Variants in ST6GALNAC3 observed in about 807,000 individuals in gnomAD.
ST6GALNAC3 encodes the protein ST6 N-acetylgalactosaminide alpha-2,6-sialyltransferase 3, also known as alpha-N-acetylgalactosaminide alpha-2,6-sialyltransferase 3.
Under a neutral mutation model 32.7 loss-of-function variants are expected in ST6GALNAC3, and 25 were observed. The ratio of observed to expected loss-of-function variants is 0.76; its 90% CI spans 0.56 to 1.07. The LOEUF (loss-of-function observed/expected upper bound fraction) is 1.07. ST6GALNAC3 is among the 50% of genes least tolerant of loss of function. The probability of loss-of-function intolerance (pLI) is 0.00; values close to 1 mark genes in which losing one functional copy is unlikely to be tolerated. For synonymous variants in ST6GALNAC3, 129 were observed against 133.1 expected (o/e 0.97, Z 0.21); for missense variants, 355 against 382.4 (o/e 0.93, Z 0.60).
chr1:76,355,562 C>T (rs1649369346), intron 2 of ST6GALNAC3, among the ~76,000 whole-genome samples: 1 of 152,134 alleles, frequency 6.6e-6, no homozygotes, highest in Non-Finnish European at 1.5e-5. Context: ...TAAAAAGTAG[C>T]ATCTGTAATG....
chr1:76,190,912 A>T (rs1374778152), intron 1 of ST6GALNAC3, among the ~76,000 whole-genome samples: 1 of 152,200 alleles, frequency 6.6e-6, no homozygotes, highest in Non-Finnish European at 1.5e-5. Flanking sequence ...TAGAGTATAG[A>T]AACTTATTTC....
chr1:76,148,530 C>T (rs1650838595), intron 1 of ST6GALNAC3, among the ~76,000 whole-genome samples: 1 of 152,142 alleles, frequency 6.6e-6, no homozygotes, highest in African/African-American at 2.4e-5. Flanking sequence ...CTTCCTCTCC[C>T]TTCCCTCCAA....
Position 76,309,448 on chromosome 1 carries a change from A to G in ST6GALNAC3, c.19-4357A>G, listed in dbSNP as rs1420339523. Among the ~76,000 whole-genome samples, 6 of 152,050 alleles carry G rather than the reference A, an allele frequency of 3.9e-5. No individual in the cohort carries two copies. In the South Asian group the frequency reaches 1.2e-3, roughly 32 times the overall value. On this transcript the variant is annotated intron_variant, in intron 1 of 4. Transcript: ENST00000328299. Reference sequence around the variant, plus strand: ...TCCCACATCCCTATGACACACACACATTCTCATTGCATTCAGCGATGTGTA... The same window carrying G: ...TCCCACATCCCTATGACACACACACGTTCTCATTGCATTCAGCGATGTGTA...
At chr1:76,457,177 C>T (rs1657880259) in intron 3 of ST6GALNAC3, among the ~76,000 whole-genome samples, 1 of 151,966 alleles carries the variant, frequency 6.6e-6, no homozygotes, top group Non-Finnish European at 1.5e-5. Context: ...AGGAGAACTA[C>T]AAACCACTGC....
At chr1:76,436,471 C>T (rs1165456040) in intron 3 of ST6GALNAC3, among the ~76,000 whole-genome samples, 1 of 152,046 alleles carries the variant, frequency 6.6e-6, no homozygotes, top group Non-Finnish European at 1.5e-5. Flanking sequence ...TGCTGTGTAA[C>T]ACTTAAGAAA....
intron 3 of ST6GALNAC3, among the ~76,000 whole-genome samples, chr1:76,625,551 A>C (rs1015403312): frequency 7.2e-5 from 11 of 151,932 alleles, no homozygotes; most frequent in Non-Finnish European, 1.5e-4. Flanking sequence ...CAAAATATTT[A>C]GATTCAATTT....
At chr1:76,214,500 G>T (rs980331812) in intron 1 of ST6GALNAC3, among the ~76,000 whole-genome samples, 1 of 152,030 alleles carries the variant, frequency 6.6e-6, no homozygotes, top group South Asian at 2.1e-4. Flanking sequence ...AATTACAAAA[G>T]ATTGATTTCT....
chr1:76,134,273 CT>C (rs761343823), intron 1 of ST6GALNAC3, among the ~76,000 whole-genome samples: 3 of 152,228 alleles, frequency 2.0e-5, no homozygotes, highest in Non-Finnish European at 2.9e-5. Flanking sequence ...AAGGCAGGTG[CT>C]TTGCTCACAG....
At chr1:76,610,373 G>T (rs972523509) in intron 3 of ST6GALNAC3, among the ~76,000 whole-genome samples, 1 of 152,148 alleles carries the variant, frequency 6.6e-6, no homozygotes, top group Non-Finnish European at 1.5e-5. Context: ...AGCCTACCCT[G>T]CTTAGAAGCA....
intron 1 of ST6GALNAC3, among the ~76,000 whole-genome samples, chr1:76,222,103 G>GTTCTATCT (rs1655805728): frequency 1.3e-5 from 2 of 152,042 alleles, no homozygotes; most frequent in African/African-American, 4.8e-5. Context: ...TGTAGTGAAA[G>GTTCTATCT]TTCTATCTCT....
At position 76,318,064 on chromosome 1, in the gene ST6GALNAC3, G is replaced by GT. The variant is rs113666050; in HGVS notation, c.213+4073dup. 1.3e-3 allele frequency among the ~76,000 whole-genome samples: 203 copies of GT among 151,882 alleles called. 3 individuals are homozygous for GT. The highest frequency in any genetic ancestry group is 3.9e-3 in the African/African-American group (163 of 41,436). Reference sequence around the variant, plus strand: ...TCTGCTTCATTTTATCAATTAATCTGTTTTTTTTAAAAAAAATAATCTGTT... The same window carrying GT: ...TCTGCTTCATTTTATCAATTAATCTGTTTTTTTTTAAAAAAAATAATCTGTT... On this transcript the variant is annotated intron_variant, in intron 2 of 4. Transcript: ENST00000328299.
chr1:76,113,657 T>C (rs1305057628), intron 1 of ST6GALNAC3, among the ~76,000 whole-genome samples: 1 of 152,062 alleles, frequency 6.6e-6, no homozygotes, highest in Non-Finnish European at 1.5e-5. Context: ...CAGAGGTTAT[T>C]TGACTGCTTC....
chr1:76,152,537 G>A (rs1429821675), intron 1 of ST6GALNAC3, among the ~76,000 whole-genome samples: 2 of 152,186 alleles, frequency 1.3e-5, no homozygotes. Flanking sequence ...ATGCCCACGA[G>A]TCTTTGGTAA....
chr1:76,620,929 C>A (rs1648602295), intron 3 of ST6GALNAC3, among the ~76,000 whole-genome samples: 1 of 151,920 alleles, frequency 6.6e-6, no homozygotes, highest in Non-Finnish European at 1.5e-5. Flanking sequence ...ATCAGCATTT[C>A]CAATTAAAAA....
intron 3 of ST6GALNAC3, among the ~76,000 whole-genome samples, chr1:76,497,904 A>T (rs1315220041): frequency 6.6e-6 from 1 of 152,100 alleles, no homozygotes; most frequent in East Asian, 1.9e-4. Flanking sequence ...TTCCTGTCTC[A>T]CTTGCCCTTA....
intron 1 of ST6GALNAC3, among the ~76,000 whole-genome samples, chr1:76,230,047 A>G (rs887305363): frequency 6.6e-6 from 1 of 152,240 alleles, no homozygotes; most frequent in Non-Finnish European, 1.5e-5. Context: ...GCACTTGCTT[A>G]TAGATGACTT....
At chr1:76,314,936 T>G (rs1646837019) in intron 2 of ST6GALNAC3, among the ~76,000 whole-genome samples, 1 of 152,154 alleles carries the variant, frequency 6.6e-6, no homozygotes, top group Non-Finnish European at 1.5e-5. Context: ...TGAGAGTTAT[T>G]CTTAGCATTC....
intron 1 of ST6GALNAC3, among the ~76,000 whole-genome samples, chr1:76,304,332 C>T (rs1660906949): frequency 6.6e-6 from 1 of 151,972 alleles, no homozygotes; most frequent in Non-Finnish European, 1.5e-5. Flanking sequence ...CCCTCCCTTC[C>T]TTTCTCCCTC....
chr1:76,286,675 T>G (rs1414476), intron 1 of ST6GALNAC3, among the ~76,000 whole-genome samples: 73,273 of 152,094 alleles, frequency 0.48, 17,881 homozygotes, highest in African/African-American at 0.55. Flanking sequence ...CTCACTTGTT[T>G]ATATGAAGCC....
Sources: gnomAD v4.1 joint callset for allele counts (sites outside exome capture counted in the v4.1 genomes callset) on GRCh38, gnomAD v4.1.1 for gene constraint, MANE v1.5 for transcripts, NCBI Gene and HGNC (gene_info 2026-07-23, HGNC 2026-07-21) for gene names.